The following TTC17 variants were observed in gnomAD, a reference collection of about 807,000 sequenced individuals.
The protein encoded by TTC17 is tetratricopeptide repeat domain 17.
Under a neutral mutation model 143.8 loss-of-function variants are expected in TTC17, and 58 were observed. The ratio of observed to expected loss-of-function variants is 0.40; its 90% confidence interval spans 0.33 to 0.50. The LOEUF (loss-of-function observed/expected upper bound fraction) is 0.50, where lower values mean the gene tolerates loss of function less well. Ranked by LOEUF, TTC17 falls within the 20% of genes least tolerant of loss-of-function variation. The pLI, the probability that TTC17 is intolerant of heterozygous loss-of-function variation, is 0.49. For synonymous variants in TTC17, 501 were observed against 497.8 expected, an observed-to-expected ratio of 1.01 and a Z score of -0.09; for missense variants, 1,273 against 1,392.5, an observed-to-expected ratio of 0.91 and a Z score of 1.37.
chr11:43,434,879 C>T (rs1947250736), intron 16 of TTC17, among the ~76,000 whole-genome samples: 1 of 152,156 alleles, frequency 6.6e-6, no homozygotes, highest in South Asian at 2.1e-4. Context: ...AGCATGTGGT[C>T]CCCTTACTCT....
At chr11:43,374,976 G>T (rs1199456619) in intron 1 of TTC17, among the ~76,000 whole-genome samples, 1 of 152,276 alleles carries the variant, frequency 6.6e-6, no homozygotes, top group Non-Finnish European at 1.5e-5. Flanking sequence ...GTGAAAATTA[G>T]GTGGAAGTTT....
intron 15 of TTC17, among the ~76,000 whole-genome samples, chr11:43,409,584 A>T (rs1163429777): frequency 6.6e-6 from 1 of 152,200 alleles, no homozygotes; most frequent in Non-Finnish European, 1.5e-5. Context: ...ACCCTGTGAG[A>T]TGGAATTTCC....
At chr11:43,484,907 C>G (rs1179176603) in intron 21 of TTC17, among the ~76,000 whole-genome samples, 1 of 151,940 alleles carries the variant, frequency 6.6e-6, no homozygotes, top group Non-Finnish European at 1.5e-5. Flanking sequence ...GCATTACTGC[C>G]TGAGCTGTAC....
At chr11:43,493,250 A>G (rs1948503825) in intron 23 of TTC17, among the ~76,000 whole-genome samples, 1 of 152,222 alleles carries the variant, frequency 6.6e-6, no homozygotes, top group African/African-American at 2.4e-5. Context: ...GCATCTTTAA[A>G]TGTTAAAGAG....
At chr11:43,361,307 G>A (rs1856093104) in intron 1 of TTC17, among the ~76,000 whole-genome samples, 1 of 152,194 alleles carries the variant, frequency 6.6e-6, no homozygotes, top group Non-Finnish European at 1.5e-5. Context: ...TTGCAGATTT[G>A]TACATTCAGA....
chr11:43,481,144 G>C (rs543111452), intron 21 of TTC17, among the ~76,000 whole-genome samples: 2 of 152,268 alleles, frequency 1.3e-5, no homozygotes, highest in South Asian at 4.1e-4. Context: ...ACTACATAAT[G>C]ATAAAATGTT....
chr11:43,364,032 C>T (rs972782543), intron 1 of TTC17, among the ~76,000 whole-genome samples: 9 of 144,588 alleles, frequency 6.2e-5, no homozygotes, highest in African/African-American at 2.0e-4. Context: ...CCGGTATCTT[C>T]GGAGTACAGA....
At chr11:43,369,824 C>T (rs893318844) in intron 1 of TTC17, among the ~76,000 whole-genome samples, 7 of 152,048 alleles carry the variant, frequency 4.6e-5, no homozygotes, top group African/African-American at 1.7e-4. Flanking sequence ...ACTATGTTGG[C>T]CAGGCTGGTC....
At chr11:43,478,270 G>C (rs1395160815) in intron 21 of TTC17, among the ~76,000 whole-genome samples, 4 of 152,190 alleles carry the variant, frequency 2.6e-5, no homozygotes, top group African/African-American at 9.7e-5. Context: ...CAATTAAAAT[G>C]TATGGCGCTC....
intron 13 of TTC17, among the ~76,000 whole-genome samples, chr11:43,406,246 T>C (rs1295946000): frequency 6.6e-6 from 1 of 152,204 alleles, no homozygotes; most frequent in African/African-American, 2.4e-5. Context: ...GTTGGTGTAA[T>C]GCAGGCCATT....
At chr11:43,387,910 A>G (rs1857228202) in intron 2 of TTC17, among the ~76,000 whole-genome samples, 1 of 152,200 alleles carries the variant, frequency 6.6e-6, no homozygotes, top group Admixed American at 6.5e-5. Flanking sequence ...TTTCATACCT[A>G]TTTGATTGGC....
At chr11:43,402,766 C>T (rs1857925448) in intron 10 of TTC17, among the ~76,000 whole-genome samples, 1 of 152,028 alleles carries the variant, frequency 6.6e-6, no homozygotes, top group Non-Finnish European at 1.5e-5. Context: ...AAAACTGATA[C>T]TCAACCTGTA....
intron 16 of TTC17, among the ~76,000 whole-genome samples, chr11:43,430,642 C>G (rs183681282): frequency 1.3e-5 from 2 of 150,664 alleles, no homozygotes; most frequent in Admixed American, 6.6e-5. Context: ...CTGAATTAAT[C>G]GCTGCTTTCT....
At position 43,403,978 on chromosome 11, in the gene TTC17, C is replaced by T. The variant is rs1420720168; in HGVS notation, c.1333-20C>T. 5 of 1,409,762 alleles carry T rather than the reference C, an allele frequency of 3.5e-6. No homozygotes were observed. Among genetic ancestry groups the T allele is most frequent in the Admixed American group, 2.0e-5 (1 of 50,516 alleles). 87.3% of individuals were successfully genotyped at this position (1,409,762 alleles called of 1,614,324 possible). On this transcript the variant is annotated intron_variant, in intron 10 of 23. Coordinates refer to ENST00000039989, the MANE Select transcript of TTC17 (RefSeq NM_018259.6). ...CTTTTCCACTTTCAATTTGATTGAA[C>T]TTTTTGTTTCATTTTCTAGTTTGGT...
intron 16 of TTC17, among the ~76,000 whole-genome samples, chr11:43,419,727 C>G (rs1213530390): frequency 6.6e-6 from 1 of 152,126 alleles, no homozygotes; most frequent in Non-Finnish European, 1.5e-5. Flanking sequence ...GTTGCCCAGG[C>G]TGGAGTGCAG....
intron 16 of TTC17, chr11:43,436,073 T>G: frequency 8.9e-7 from 1 of 1,128,936 alleles, no homozygotes; most frequent in East Asian, 3.2e-5. Context: ...ATTGTCACAT[T>G]TTTGCTCTTC....
intron 2 of TTC17, among the ~76,000 whole-genome samples, chr11:43,380,415 C>G (rs970567258): frequency 1.3e-5 from 2 of 152,148 alleles, no homozygotes. Flanking sequence ...GCCATCATGC[C>G]CAGCTAATTT....
At chr11:43,418,771 T>A (rs1463079268) in intron 16 of TTC17, among the ~76,000 whole-genome samples, 7 of 152,150 alleles carry the variant, frequency 4.6e-5, no homozygotes, top group African/African-American at 1.7e-4. Flanking sequence ...AGCAAAATGA[T>A]TAAATATTGA....
chr11:43,418,706 A>G (rs1033310662), intron 16 of TTC17, among the ~76,000 whole-genome samples: 5 of 152,146 alleles, frequency 3.3e-5, no homozygotes, highest in Admixed American at 1.3e-4. Flanking sequence ...AACTTTATGG[A>G]ACAGTAAAGG....
Sources: gnomAD v4.1 joint callset for allele counts (sites outside exome capture counted in the v4.1 genomes callset) on GRCh38, gnomAD v4.1.1 for gene constraint, MANE v1.5 for transcripts, NCBI Gene and HGNC (gene_info 2026-07-23, HGNC 2026-07-21) for gene names.